Variants in PIN4 observed in about 807,000 individuals in gnomAD.
PIN4 encodes the protein peptidyl-prolyl cis-trans isomerase NIMA-interacting 4.
A neutral mutation model predicts 8.3 loss-of-function variants in PIN4; 3 were observed. The ratio of observed to expected loss-of-function variants is 0.36; its 90% CI spans 0.16 to 0.93. The LOEUF (loss-of-function observed/expected upper bound fraction) is 0.93, where lower values mean the gene tolerates loss of function less well. Ranked by LOEUF, PIN4 falls within the 40% of genes least tolerant of loss-of-function variation. PIN4 has a pLI of 0.44. For missense variants in PIN4, 75 were observed against 100.6 expected (o/e 0.75, Z 1.09); for synonymous variants, 18 against 32.5 (o/e 0.55, Z 1.52).
At chrX:72,207,862 G>A (rs775318402) in intron 3 of PIN4, 1 of 1,208,862 alleles carries the variant, frequency 8.3e-7, no homozygotes, top group East Asian at 3.0e-5. Context: ...TCCTGGGGTA[G>A]CATCCTTCTC....
chrX:72,228,393 C>T (rs1397762626), intron 3 of PIN4, among the ~76,000 whole-genome samples: 1 of 111,746 alleles, frequency 8.9e-6, no homozygotes, highest in Non-Finnish European at 1.9e-5. Flanking sequence ...CAGGGACTCC[C>T]CAACTGGTTT....
Position 72,248,005 on chromosome X carries a change from C to T in PIN4, c.313-14702C>T, listed in dbSNP as rs146027581. On this transcript the variant is annotated intron_variant, in intron 3 of 3. Coordinates refer to the PIN4 transcript ENST00000423432. The stretch of plus-strand genomic sequence containing the variant: ...CTGATCTTAGAACCATGTCTTCCAT[C>T]CTTTGTGAGCAGCTAATTTATGCCA... Among the ~76,000 whole-genome samples, 359 of 111,197 alleles carry T rather than the reference C, an allele frequency of 3.2e-3. 1 individual carries two copies. Among genetic ancestry groups the T allele is most frequent in the African/African-American group, 0.011 (342 of 30,723 alleles).
chrX:72,261,220 C>T (rs983857547), intron 3 of PIN4, among the ~76,000 whole-genome samples: 3 of 103,105 alleles, frequency 2.9e-5, no homozygotes, highest in Admixed American at 1.1e-4. Context: ...TTCTTGAATC[C>T]GGGAGGCGGA....
chrX:72,195,625 A>T (rs1303055461), intron 2 of PIN4, among the ~76,000 whole-genome samples: 1 of 110,403 alleles, frequency 9.1e-6, no homozygotes, highest in Non-Finnish European at 1.9e-5. Flanking sequence ...TGGGCAACAG[A>T]CGGAGACTCT....
intron 3 of PIN4, chrX:72,205,152 C>T: frequency 8.3e-7 from 1 of 1,211,761 alleles, no homozygotes; most frequent in Non-Finnish European, 1.1e-6. Flanking sequence ...CTTTTCCACG[C>T]TTTACAAGAG....
intron 2 of PIN4, among the ~76,000 whole-genome samples, chrX:72,189,338 C>G (rs1182377979): frequency 2.7e-5 from 3 of 111,365 alleles, no homozygotes; most frequent in Non-Finnish European, 5.6e-5. Flanking sequence ...CCTTTTATAA[C>G]TATACCCGCT....
At chrX:72,256,870 G>A (rs2043113236) in intron 3 of PIN4, among the ~76,000 whole-genome samples, 1 of 112,185 alleles carries the variant, frequency 8.9e-6, no homozygotes, top group African/African-American at 3.2e-5. Flanking sequence ...TCAGGCTCTG[G>A]CATGTTGGAG....
chrX:72,206,606 G>C, intron 3 of PIN4: 1 of 1,211,037 alleles, frequency 8.3e-7, no homozygotes, highest in Non-Finnish European at 1.1e-6. Flanking sequence ...GTTCTTTGTT[G>C]TTCCATCAGG....
chrX:72,202,370 A>G (rs2042793343), downstream of PIN4, among the ~76,000 whole-genome samples: 1 of 112,580 alleles, frequency 8.9e-6, no homozygotes, highest in African/African-American at 3.2e-5. Flanking sequence ...TCAGTGAGAA[A>G]TATTCCTAGG....
chrX:72,236,403 A>G (rs2043017536), intron 3 of PIN4, among the ~76,000 whole-genome samples: 1 of 111,417 alleles, frequency 9.0e-6, no homozygotes, highest in African/African-American at 3.3e-5. Flanking sequence ...GGTTGAAGCA[A>G]TTCTGCCTCA....
intron 2 of PIN4, among the ~76,000 whole-genome samples, chrX:72,193,668 C>T (rs2042747977): frequency 9.0e-6 from 1 of 111,264 alleles, no homozygotes; most frequent in Non-Finnish European, 1.9e-5. Context: ...GTCAGGAGTT[C>T]AAGACCAGCC....
intron 3 of PIN4, among the ~76,000 whole-genome samples, chrX:72,249,827 A>G (rs2147615168): frequency 9.0e-6 from 1 of 111,681 alleles, no homozygotes; most frequent in African/African-American, 3.2e-5. Flanking sequence ...CAGTGGTTAC[A>G]CAAGCACCCA....
intron 3 of PIN4, among the ~76,000 whole-genome samples, chrX:72,239,988 G>C (rs1413316705): frequency 9.5e-6 from 1 of 105,640 alleles, no homozygotes; most frequent in African/African-American, 3.5e-5. Flanking sequence ...GAGAAAGAGA[G>C]AAGGGTCTTC....
intron 3 of PIN4, among the ~76,000 whole-genome samples, chrX:72,259,906 CT>C (rs200170012): frequency 0.073 from 7,050 of 97,163 alleles, 462 homozygotes; most frequent in East Asian, 0.47. Context: ...AATTTTTTTT[CT>C]TTTTTTTTTT....
chrX:72,230,415 C>G (rs2042976999), intron 3 of PIN4, among the ~76,000 whole-genome samples: 2 of 110,839 alleles, frequency 1.8e-5, no homozygotes, highest in African/African-American at 6.6e-5. Context: ...AAACCTCTCC[C>G]TCACACAGAA....
chrX:72,182,195 C>G (rs893591938), intron 1 of PIN4, among the ~76,000 whole-genome samples: 5 of 112,578 alleles, frequency 4.4e-5, no homozygotes, highest in African/African-American at 3.2e-5. Flanking sequence ...AGGAATCATT[C>G]ATCCATTGAA....
chrX:72,258,385 C>T (rs1336939541), intron 3 of PIN4, among the ~76,000 whole-genome samples: 1 of 112,348 alleles, frequency 8.9e-6, no homozygotes, highest in African/African-American at 3.2e-5. Context: ...GTCTTGGCCA[C>T]TGGCCAGAAC....
rs2042839724 is a variant in PIN4 at position 72,209,401 on chromosome X, C to T, written c.312+12497C>T. Among the ~76,000 whole-genome samples, 3 of 111,890 alleles carry T rather than the reference C, an allele frequency of 2.7e-5. No homozygotes were observed. In the South Asian group the frequency reaches 1.1e-3, roughly 42 times the overall value. ...CAAATTCAATTCATCCCAAACTAGA[C>T]TCATTATTTCCCCTCTAAAAACGTG... On this transcript the variant is annotated intron_variant, in intron 3 of 3. Transcript: ENST00000423432.
At chrX:72,252,252 C>T (rs1366666914) in intron 3 of PIN4, among the ~76,000 whole-genome samples, 1 of 110,667 alleles carries the variant, frequency 9.0e-6, no homozygotes. Flanking sequence ...GGTCTCCAAG[C>T]CTAGCTATTT....
Sources: gnomAD v4.1 joint callset for allele counts (sites outside exome capture counted in the v4.1 genomes callset) on GRCh38, gnomAD v4.1.1 for gene constraint, MANE v1.5 for transcripts, NCBI Gene and HGNC (gene_info 2026-07-23, HGNC 2026-07-21) for gene names.